PTPN11: variants seen among roughly 807,000 people sequenced by gnomAD.
PTPN11 encodes protein tyrosine phosphatase non-receptor type 11, also known as tyrosine-protein phosphatase non-receptor type 11.
A neutral mutation model predicts 78.8 loss-of-function variants in PTPN11; 6 were observed. The observed-to-expected ratio is 0.08, with a 90% confidence interval of 0.04 to 0.15. PTPN11 has a LOEUF of 0.15. PTPN11 is among the 10% of genes least tolerant of loss of function. The probability of loss-of-function intolerance (pLI) is 1.00; values close to 1 mark genes in which losing one functional copy is unlikely to be tolerated. For synonymous variants in PTPN11, 221 were observed against 263.5 expected, an observed-to-expected ratio of 0.84 and a Z score of 1.56; for missense variants, 386 against 744.8, an observed-to-expected ratio of 0.52 and a Z score of 5.61.
intron 7 of PTPN11, 125 bp downstream of exon 7, chr12:112,473,165 C>A: frequency 1.3e-6 from 1 of 770,160 alleles, no homozygotes; most frequent in Non-Finnish European, 2.2e-6. Context: ...TCTTTAATTG[C>A]AAGCAGTTTC....
Position 112,490,323 on chromosome 12 carries a change from TGA to T in PTPN11, c.1599+1156_1599+1157del, listed in dbSNP as rs1566187433. Among the ~76,000 whole-genome samples the T allele has an allele frequency of 2.9e-4, 43 of 150,312 alleles. 1 individual carries two copies. Among genetic ancestry groups the T allele is most frequent in the African/African-American group, 1.0e-3 (41 of 40,968 alleles). On this transcript the variant is annotated intron_variant, in intron 13 of 15. Coordinates refer to ENST00000351677, the MANE Select transcript of PTPN11 (RefSeq NM_002834.5). ...GGATGTCTTTTTTTTTTTTTTTTTTTGAGAGAGAGGTCTCTCTCTGTTGCCCA... is the reference window on the plus strand; with the variant it reads ...GGATGTCTTTTTTTTTTTTTTTTTTTGAGAGAGGTCTCTCTCTGTTGCCCA...
chr12:112,420,206 G>C (rs973939112), intron 1 of PTPN11, among the ~76,000 whole-genome samples: 1 of 152,176 alleles, frequency 6.6e-6, no homozygotes, highest in Non-Finnish European at 1.5e-5. Flanking sequence ...CTGCTATTTT[G>C]TATAGTCACT....
At chr12:112,466,891 TC>T (rs1422909951) in intron 6 of PTPN11, among the ~76,000 whole-genome samples, 2 of 151,888 alleles carry the variant, frequency 1.3e-5, no homozygotes, top group South Asian at 2.1e-4. Flanking sequence ...CAGTTTATTT[TC>T]TGTCTGCCTC....
intron 13 of PTPN11, among the ~76,000 whole-genome samples, chr12:112,500,446 A>G (rs988611893): frequency 6.6e-6 from 1 of 152,208 alleles, no homozygotes; most frequent in Non-Finnish European, 1.5e-5. Flanking sequence ...AAATTAAAAT[A>G]GTATATAAAC....
In PTPN11 at chr12:112,442,830, TTATATATATATATATATATATA is replaced by T. The variant is rs71086107; in HGVS notation, c.15-3419_15-3398del. ...CTCTCTCCTCTCTCTCTCTCTCTTT[TTATATATATATATATATATATA>T]TATATATATATATATATATATATAT... is the stretch of plus-strand genomic sequence containing the variant. On this transcript the variant is annotated intron_variant, in intron 1 of 15. Coordinates refer to ENST00000351677, the MANE Select transcript of PTPN11 (RefSeq NM_002834.5). Among the ~76,000 whole-genome samples, 246 of 43,536 alleles carry T rather than the reference TTATATATATATATATATATATA, an allele frequency of 5.7e-3. 8 individuals carry two copies. Among genetic ancestry groups the T allele is most frequent in the African/African-American group, 0.012 (169 of 14,004 alleles). The allele number at this position is 43,536 out of a possible 152,430, so 28.6% of individuals were successfully genotyped here.
At chr12:112,473,082 A>G (rs2038445477) in intron 7 of PTPN11, 42 bp downstream of exon 7, 2 of 1,479,108 alleles carry the variant, frequency 1.4e-6, no homozygotes, top group South Asian at 2.3e-5. Context: ...ACTCTTGGAG[A>G]TTTTGATTCC....
chr12:112,478,375 C>A lies in PTPN11; in HGVS notation c.1092+360C>A, dbSNP rs533667522. 6.6e-5 allele frequency among the ~76,000 whole-genome samples: 10 copies of A among 151,450 alleles called. No homozygotes were observed. The South Asian group carries it at 2.1e-3, about 32-fold the overall frequency. ...ATCACTTGAGGTCAGGAGTTTGAGACCAGCCTGGGCAATGTAGTAAGACCC... is the reference window on the plus strand; with the variant it reads ...ATCACTTGAGGTCAGGAGTTTGAGAACAGCCTGGGCAATGTAGTAAGACCC... On this transcript the variant is annotated intron_variant, in intron 9 of 15. Transcript: ENST00000351677.
intron 7 of PTPN11, among the ~76,000 whole-genome samples, chr12:112,473,606 G>A (rs2038453105): frequency 6.6e-6 from 1 of 151,924 alleles, no homozygotes; most frequent in South Asian, 2.1e-4. Context: ...CAGCACTTTC[G>A]GAGGCCGAGG....
intron 14 of PTPN11, among the ~76,000 whole-genome samples, chr12:112,503,924 G>T (rs2038905431): frequency 1.3e-5 from 2 of 152,134 alleles, no homozygotes; most frequent in Admixed American, 1.3e-4. Context: ...TTGGCCCTCT[G>T]TCCTAGGCCC....
chr12:112,448,488 A>G (rs929217350), intron 2 of PTPN11, among the ~76,000 whole-genome samples: 1 of 152,098 alleles, frequency 6.6e-6, no homozygotes, highest in African/African-American at 2.4e-5. Flanking sequence ...AAGTGCTGGG[A>G]TTATAGGCAT....
In PTPN11 at chr12:112,454,692, G is replaced by C. The variant is rs1366878393; in HGVS notation, c.642+12G>C. ...TACAACTCAAGCAGGTGAGCAGATT[G>C]GAAAGCTCAAGCTTTCTCCTTAAAA... is the stretch of plus-strand genomic sequence containing the variant. On this transcript the variant is annotated intron_variant, in intron 5 of 15. Coordinates refer to ENST00000351677, the MANE Select transcript of PTPN11 (RefSeq NM_002834.5). The C allele has an allele frequency of 6.3e-7, 1 of 1,583,018 alleles. No individual in the cohort carries two copies. Among genetic ancestry groups the C allele is most frequent in the South Asian group, 1.1e-5 (1 of 90,362 alleles).
At position 112,447,035 on chromosome 12, in the gene PTPN11, T is replaced by A. The variant is rs988997526; in HGVS notation, c.137+637T>A. Among the ~76,000 whole-genome samples the A allele has an allele frequency of 3.3e-5, 5 of 152,238 alleles. No individual in the cohort carries two copies. The South Asian group carries it at 6.2e-4, about 19-fold the overall frequency. ...CTTGTGCCACCATGCTCAGCATTTT[T>A]AAAAAATATTTTTTGTAGAGATGAG... On this transcript the variant is annotated intron_variant, in intron 2 of 15. Transcript: ENST00000351677.
At chr12:112,471,773 G>C (rs985093717) in intron 6 of PTPN11, among the ~76,000 whole-genome samples, 1 of 148,760 alleles carries the variant, frequency 6.7e-6, no homozygotes, top group African/African-American at 2.5e-5. Flanking sequence ...TTTTTTTCGA[G>C]ATGGAGTCTC....
intron 1 of PTPN11, among the ~76,000 whole-genome samples, chr12:112,428,396 C>CTT (rs11312766): frequency 1.7e-3 from 140 of 84,442 alleles, no homozygotes; most frequent in Non-Finnish European, 2.2e-3. Context: ...TGTGTGTTGT[C>CTT]TTTTTTTTTT....
chr12:112,467,495 T>A (rs2038349319), intron 6 of PTPN11, among the ~76,000 whole-genome samples: 1 of 152,040 alleles, frequency 6.6e-6, no homozygotes, highest in African/African-American at 2.4e-5. Flanking sequence ...CGCTCTTTTT[T>A]TAATTTTATT....
intron 1 of PTPN11, among the ~76,000 whole-genome samples, chr12:112,440,965 C>CTTTTTTTTTTTTTTTTTT (rs376303682): frequency 7.6e-6 from 1 of 131,556 alleles, no homozygotes. Context: ...CTTTTCTTTT[C>CTTTTTTTTTTTTTTTTTT]TTTTTTTTTT....
chr12:112,445,772 G>A (rs374317947), intron 1 of PTPN11, among the ~76,000 whole-genome samples: 2 of 151,720 alleles, frequency 1.3e-5, no homozygotes, highest in East Asian at 3.9e-4. Context: ...TTCTCAAGTA[G>A]CTGGGATTAC....
chr12:112,504,698 G>T lies in PTPN11; in HGVS notation c.1716G>T (p.Met572Ile). The T allele has an allele frequency of 6.4e-7, 1 of 1,573,410 alleles. No individual in the cohort carries two copies. Among genetic ancestry groups the T allele is most frequent in the Non-Finnish European group, 8.7e-7 (1 of 1,143,690 alleles). Residue 572 changes from methionine to isoleucine, a missense_variant, in exon 15 of 16, where the codon ATG (methionine) becomes ATT (isoleucine). Met to Ile is a conservative substitution (Grantham distance 10). Transcript: ENST00000351677. The surrounding 1 kb of genome is among the most constrained non-coding windows in gnomAD (Gnocchi z 4.7). ...TTTCTTTTTCTTTTCTCTCCAGAAT[G>T]AGAGAAGACAGTGCTAGAGTCTATG... Reference protein sequence around the residue: ...PCTPTPPCAEMREDSARVYEN... With the variant: ...PCTPTPPCAEIREDSARVYEN...
At chr12:112,454,840 G>A (rs1306050790) in intron 5 of PTPN11, 160 bp downstream of exon 5, 1 of 447,358 alleles carries the variant, frequency 2.2e-6, no homozygotes. Context: ...TTTTTTTTTT[G>A]AGACAGTCTT....
Sources: allele counts gnomAD v4.1 joint callset (sites outside exome capture counted in the v4.1 genomes callset), GRCh38; gene constraint gnomAD v4.1.1; non-coding constraint Gnocchi (gnomAD v3.1); transcripts MANE v1.5; gene names NCBI Gene and HGNC (gene_info 2026-07-23, HGNC 2026-07-21).